Variants in SYNDIG1 observed in about 807,000 individuals in gnomAD.
SYNDIG1 encodes synapse differentiation-inducing gene protein 1.
SYNDIG1 carries 9 observed loss-of-function variants against 19.4 expected under a neutral mutation model. The observed-to-expected ratio is 0.46, with a 90% CI of 0.28 to 0.81. The LOEUF is 0.81. SYNDIG1 is among the 30% of genes least tolerant of loss of function. The probability of loss-of-function intolerance (pLI) is 0.12; values close to 1 mark genes in which losing one functional copy is unlikely to be tolerated. For missense variants in SYNDIG1, 311 were observed against 343.3 expected (o/e 0.91, Z 0.74); for synonymous variants, 141 against 145.9 (o/e 0.97, Z 0.24).
In SYNDIG1 at chr20:24,608,166, T is replaced by G. The variant is rs533352040; in HGVS notation, c.618+23173T>G. Among the ~76,000 whole-genome samples, 4 of 151,102 alleles carry G rather than the reference T, an allele frequency of 2.6e-5. No homozygotes were observed. The South Asian group carries it at 8.4e-4, about 32-fold the overall frequency. ...CCCATGACAAATAATACAGAAATTA[T>G]TTTAAATTTTGGCAATATTATCTCC... On this transcript the variant is annotated intron_variant, in intron 3 of 3. Coordinates refer to ENST00000376862, the MANE Select transcript of SYNDIG1 (RefSeq NM_024893.3).
chr20:24,654,981 G>A (rs1168175322), intron 3 of SYNDIG1, among the ~76,000 whole-genome samples: 2 of 152,212 alleles, frequency 1.3e-5, no homozygotes, highest in African/African-American at 2.4e-5. Context: ...CAGGCACGCA[G>A]AGTCTGCCAC....
At chr20:24,573,969 G>T (rs2058186053) in intron 2 of SYNDIG1, among the ~76,000 whole-genome samples, 1 of 152,196 alleles carries the variant, frequency 6.6e-6, no homozygotes, top group African/African-American at 2.4e-5. Flanking sequence ...CCTGCAAAGG[G>T]TGGGAGAATC....
Position 24,665,554 on chromosome 20 carries a change from T to G in SYNDIG1, c.*50T>G, listed in dbSNP as rs760706568. 4 of 1,608,350 alleles carry G rather than the reference T, an allele frequency of 2.5e-6. No homozygotes were observed. The highest frequency in any genetic ancestry group is 4.5e-5 in the East Asian group (2 of 44,854). On this transcript the variant is annotated 3_prime_UTR_variant, in exon 4 of 4. Transcript: ENST00000376862. ...ACCCGGGGCCAGGTCTGTGTGGACG[T>G]GGAGGAAGCAGGCATACCGCATGAT...
intron 3 of SYNDIG1, among the ~76,000 whole-genome samples, chr20:24,591,619 T>C (rs1227833978): frequency 6.6e-6 from 1 of 152,092 alleles, no homozygotes; most frequent in Non-Finnish European, 1.5e-5. Context: ...AAATAGATGT[T>C]GTGAAATACA....
intron 1 of SYNDIG1, among the ~76,000 whole-genome samples, chr20:24,504,365 G>C (rs377279981): frequency 4.1e-4 from 63 of 152,224 alleles, no homozygotes; most frequent in African/African-American, 1.5e-3. Flanking sequence ...CAATGAAGTC[G>C]CACATAATAA....
chr20:24,657,175 TC>T (rs1479401377), intron 3 of SYNDIG1, among the ~76,000 whole-genome samples: 3 of 152,200 alleles, frequency 2.0e-5, no homozygotes, highest in Admixed American at 6.5e-5. Context: ...CCTCAGGTAT[TC>T]CTTTATAGCA....
intron 2 of SYNDIG1, among the ~76,000 whole-genome samples, chr20:24,571,926 A>C (rs1220218149): frequency 1.3e-5 from 2 of 152,152 alleles, no homozygotes; most frequent in African/African-American, 2.4e-5. Flanking sequence ...CTTTCAACCC[A>C]AAAAAATTAT....
Position 24,540,305 on chromosome 20 carries a change from G to C in SYNDIG1, c.-78-2715G>C, listed in dbSNP as rs1353428603. On this transcript the variant is annotated intron_variant, in intron 1 of 3. Coordinates refer to ENST00000376862, the MANE Select transcript of SYNDIG1 (RefSeq NM_024893.3). ...TTTATTAGTTCTAATAGATTTTTTTGTGGAATCTTTAGGGTTTTCTATATG... is the reference window on the plus strand; with the variant it reads ...TTTATTAGTTCTAATAGATTTTTTTCTGGAATCTTTAGGGTTTTCTATATG... 2.0e-5 allele frequency among the ~76,000 whole-genome samples: 3 copies of C among 152,030 alleles called. No homozygotes were observed. The East Asian group carries it at 5.8e-4, about 29-fold the overall frequency.
intron 3 of SYNDIG1, among the ~76,000 whole-genome samples, chr20:24,597,700 C>G (rs2058618190): frequency 6.6e-6 from 1 of 152,150 alleles, no homozygotes; most frequent in Non-Finnish European, 1.5e-5. Context: ...AAGTGTGATT[C>G]CAGGCCAGCG....
chr20:24,641,623 A>G (rs1226381503), intron 3 of SYNDIG1, among the ~76,000 whole-genome samples: 1 of 152,212 alleles, frequency 6.6e-6, no homozygotes, highest in Non-Finnish European at 1.5e-5. Flanking sequence ...ATAAAACTAG[A>G]TACTCAGATA....
intron 1 of SYNDIG1, among the ~76,000 whole-genome samples, chr20:24,510,215 C>T (rs1239317830): frequency 1.3e-5 from 2 of 152,124 alleles, no homozygotes; most frequent in African/African-American, 4.8e-5. Context: ...AATGCACTTT[C>T]TGTTGCTGTT....
chr20:24,592,464 A>G (rs557053262), intron 3 of SYNDIG1, among the ~76,000 whole-genome samples: 158 of 152,300 alleles, frequency 1.0e-3, no homozygotes, highest in Non-Finnish European at 2.1e-3. Context: ...GTGTGGGGAC[A>G]TGGGTTCCTC....
chr20:24,496,027 A>G (rs563606751), intron 1 of SYNDIG1, among the ~76,000 whole-genome samples: 1 of 152,016 alleles, frequency 6.6e-6, no homozygotes, highest in East Asian at 1.9e-4. Context: ...TGTTATTTTT[A>G]GTGGAGACAG....
intron 3 of SYNDIG1, among the ~76,000 whole-genome samples, chr20:24,623,531 A>G (rs538950481): frequency 6.6e-6 from 1 of 152,350 alleles, no homozygotes; most frequent in Non-Finnish European, 1.5e-5. Flanking sequence ...TAATTTATCT[A>G]AAAGATACTA....
chr20:24,585,283 A>G (rs1194285619), intron 3 of SYNDIG1, among the ~76,000 whole-genome samples: 1 of 152,198 alleles, frequency 6.6e-6, no homozygotes, highest in Non-Finnish European at 1.5e-5. Context: ...TAGAAGGCAC[A>G]TGGCCTTTGG....
chr20:24,560,042 TTTTAACA>T, intron 2 of SYNDIG1, among the ~76,000 whole-genome samples: 1 of 149,734 alleles, frequency 6.7e-6, no homozygotes, highest in Admixed American at 6.6e-5. Context: ...TTTTTTTTTT[TTTTAACA>T]TTTCTCTCCT....
intron 1 of SYNDIG1, among the ~76,000 whole-genome samples, chr20:24,512,590 G>A (rs1027952026): frequency 6.6e-6 from 1 of 152,156 alleles, no homozygotes; most frequent in Admixed American, 6.5e-5. Context: ...CGAGGCTGGG[G>A]GAGGGGCGCC....
chr20:24,544,272 G>C (rs996568078), intron 2 of SYNDIG1, among the ~76,000 whole-genome samples: 3 of 152,314 alleles, frequency 2.0e-5, no homozygotes, highest in Non-Finnish European at 2.9e-5. Flanking sequence ...GAGAGGGTGA[G>C]AGCAGCTGCT....
chr20:24,600,812 A>G (rs2058668971), intron 3 of SYNDIG1, among the ~76,000 whole-genome samples: 1 of 151,928 alleles, frequency 6.6e-6, no homozygotes, highest in Non-Finnish European at 1.5e-5. Flanking sequence ...ACGGAGTTTC[A>G]CCATGTTGGC....
Sources: gnomAD v4.1 joint callset for allele counts (sites outside exome capture counted in the v4.1 genomes callset) on GRCh38, gnomAD v4.1.1 for gene constraint, MANE v1.5 for transcripts, NCBI Gene and HGNC (gene_info 2026-07-23, HGNC 2026-07-21) for gene names.